GRM1: variants seen among roughly 807,000 people sequenced by gnomAD.
The protein encoded by GRM1 is glutamate metabotropic receptor 1, also known as metabotropic glutamate receptor 1.
In GRM1, 33 loss-of-function variants were observed where a neutral mutation model predicts 90.9. That is an observed-to-expected ratio of 0.36 (90% CI 0.28 to 0.49). The LOEUF is 0.49. Among genes scored for constraint, GRM1 ranks in the 20% least tolerant of loss-of-function variants. The pLI, the probability that GRM1 is intolerant of heterozygous loss-of-function variation, is 0.99. For synonymous variants in GRM1, 700 were observed against 613.2 expected, an observed-to-expected ratio of 1.14 and a Z score of -2.09; for missense variants, 1,190 against 1,534.3, an observed-to-expected ratio of 0.78 and a Z score of 3.75.
intron 2 of GRM1, among the ~76,000 whole-genome samples, chr6:146,211,621 G>A (rs1779690074): frequency 6.6e-6 from 1 of 152,090 alleles, no homozygotes; most frequent in Non-Finnish European, 1.5e-5. Flanking sequence ...ATTTGAAAAA[G>A]CATCTGTAAA....
intron 1 of GRM1, among the ~76,000 whole-genome samples, chr6:146,133,590 G>A (rs1776491786): frequency 6.6e-6 from 1 of 152,140 alleles, no homozygotes; most frequent in African/African-American, 2.4e-5. Flanking sequence ...CCTCTCAGGA[G>A]TCCTCTTGTC....
chr6:146,408,690 G>A (rs542247672), intron 7 of GRM1, among the ~76,000 whole-genome samples: 2 of 152,292 alleles, frequency 1.3e-5, no homozygotes, highest in African/African-American at 2.4e-5. Context: ...TAGAGGAGCT[G>A]TAAGTCTGCT....
chr6:146,331,791 G>C lies in GRM1; in HGVS notation c.1187-20459G>C, dbSNP rs1457712320. ...AAAAAAAAATTCTAATCCCAAACATGTTTATTTTTGAAGGTGACTTTGAGC... is the reference window on the plus strand; with the variant it reads ...AAAAAAAAATTCTAATCCCAAACATCTTTATTTTTGAAGGTGACTTTGAGC... On this transcript the variant is annotated intron_variant, in intron 3 of 7. Coordinates refer to ENST00000282753, the MANE Select transcript of GRM1 (RefSeq NM_001278064.2). 3.9e-5 allele frequency among the ~76,000 whole-genome samples: 6 copies of C among 152,072 alleles called. No individual in the cohort carries two copies. The East Asian group carries it at 1.2e-3, about 29-fold the overall frequency.
intron 2 of GRM1, among the ~76,000 whole-genome samples, chr6:146,252,708 A>C (rs1022119393): frequency 2.0e-5 from 3 of 152,190 alleles, no homozygotes; most frequent in African/African-American, 7.2e-5. Context: ...TTGAAAAAAC[A>C]TGTGCAAAAG....
intron 5 of GRM1, among the ~76,000 whole-genome samples, chr6:146,372,050 G>A (rs1171409555): frequency 6.6e-6 from 1 of 152,084 alleles, no homozygotes; most frequent in Non-Finnish European, 1.5e-5. Context: ...ATTCTCCATA[G>A]TGATTGTACT....
At chr6:146,286,442 G>A (rs1453121491) in intron 2 of GRM1, among the ~76,000 whole-genome samples, 2 of 152,146 alleles carry the variant, frequency 1.3e-5, no homozygotes, top group Non-Finnish European at 2.9e-5. Flanking sequence ...GATTAGATTA[G>A]ATTGGATTTA....
At chr6:146,386,850 G>A in intron 5 of GRM1, 40 bp from the exon 6 acceptor site, 2 of 1,549,090 alleles carry the variant, frequency 1.3e-6, no homozygotes, top group Non-Finnish European at 1.8e-6. Flanking sequence ...GCTTTTCTGG[G>A]AAAACTATCT....
At chr6:146,175,428 T>C (rs1335543227) in intron 2 of GRM1, among the ~76,000 whole-genome samples, 3 of 152,174 alleles carry the variant, frequency 2.0e-5, no homozygotes, top group African/African-American at 7.2e-5. Flanking sequence ...TCCTTAAATG[T>C]CATCTATTTT....
At chr6:146,291,779 T>C (rs1377180421) in intron 2 of GRM1, among the ~76,000 whole-genome samples, 4 of 152,020 alleles carry the variant, frequency 2.6e-5, no homozygotes, top group African/African-American at 9.7e-5. Context: ...TTTATTAAAT[T>C]CCAACAACTG....
At chr6:146,101,566 C>G (rs1036108763) in intron 1 of GRM1, among the ~76,000 whole-genome samples, 2 of 152,030 alleles carry the variant, frequency 1.3e-5, no homozygotes, top group Admixed American at 6.6e-5. Context: ...CAACCTGCTG[C>G]GATTTGATTG....
At position 146,354,191 on chromosome 6, in the gene GRM1, C is replaced by A. The variant is rs186611299; in HGVS notation, c.1433+1695C>A. On this transcript the variant is annotated intron_variant, in intron 4 of 7. Transcript: ENST00000282753. The stretch of plus-strand genomic sequence containing the variant: ...ATGGGAGCAGGTTTTGACTGGAATG[C>A]GAGTGAGGTAGATGGAATGATTCAG... Among the ~76,000 whole-genome samples the A allele has an allele frequency of 5.3e-5, 8 of 152,210 alleles. No individual in the cohort carries two copies. In the East Asian group the frequency reaches 9.7e-4, roughly 18 times the overall value.
intron 1 of GRM1, among the ~76,000 whole-genome samples, chr6:146,101,718 T>C (rs946961931): frequency 6.6e-6 from 1 of 151,860 alleles, no homozygotes; most frequent in African/African-American, 2.4e-5. Context: ...GTAGCCATAG[T>C]AATTATAACT....
intron 1 of GRM1, among the ~76,000 whole-genome samples, chr6:146,133,374 A>G (rs1411097529): frequency 6.6e-6 from 1 of 152,172 alleles, no homozygotes; most frequent in African/African-American, 2.4e-5. Flanking sequence ...AGACACTAAC[A>G]CATTCTCATT....
chr6:146,080,850 A>G (rs1276667249), intron 1 of GRM1, among the ~76,000 whole-genome samples: 1 of 152,246 alleles, frequency 6.6e-6, no homozygotes, highest in Non-Finnish European at 1.5e-5. Context: ...GTATCCCCCA[A>G]AGGATGGGGA....
At chr6:146,287,787 A>C (rs1439459946) in intron 2 of GRM1, among the ~76,000 whole-genome samples, 2 of 152,196 alleles carry the variant, frequency 1.3e-5, no homozygotes, top group East Asian at 3.8e-4. Context: ...AAAGGGCCAC[A>C]AGCCAAGGAA....
chr6:146,379,984 A>G (rs1178679587), intron 5 of GRM1, among the ~76,000 whole-genome samples: 1 of 151,370 alleles, frequency 6.6e-6, no homozygotes, highest in African/African-American at 2.4e-5. Flanking sequence ...GTTCTGAGCC[A>G]CCTAAAGCTG....
chr6:146,348,947 C>A (rs1308505404), intron 3 of GRM1, among the ~76,000 whole-genome samples: 1 of 152,062 alleles, frequency 6.6e-6, no homozygotes, highest in Non-Finnish European at 1.5e-5. Context: ...GCTTTCCTCA[C>A]CTGTAAAATA....
At chr6:146,425,274 G>A (rs929216244) in intron 7 of GRM1, among the ~76,000 whole-genome samples, 4 of 152,146 alleles carry the variant, frequency 2.6e-5, no homozygotes, top group African/African-American at 9.7e-5. Flanking sequence ...CTTTCAGGTA[G>A]TGAACATCTG....
chr6:146,340,156 C>G (rs1473499378), intron 3 of GRM1, among the ~76,000 whole-genome samples: 1 of 152,156 alleles, frequency 6.6e-6, no homozygotes, highest in Non-Finnish European at 1.5e-5. Context: ...CTTAGAGAAG[C>G]TTCTGTTAAT....
Sources: gnomAD v4.1 joint callset for allele counts (sites outside exome capture counted in the v4.1 genomes callset) on GRCh38, gnomAD v4.1.1 for gene constraint, MANE v1.5 for transcripts, NCBI Gene and HGNC (gene_info 2026-07-23, HGNC 2026-07-21) for gene names.